The following TRRAP variants were observed in gnomAD, a reference collection of about 807,000 sequenced individuals.
The protein encoded by TRRAP is transformation/transcription domain associated protein.
TRRAP carries 41 observed loss-of-function variants against 438.8 expected under a neutral mutation model. The ratio of observed to expected loss-of-function variants is 0.09; its 90% CI spans 0.07 to 0.12. The LOEUF is 0.12. TRRAP is among the 10% of genes least tolerant of loss of function. The pLI is 1.00. For synonymous variants in TRRAP, 1,994 were observed against 1,962.9 expected (o/e 1.02, Z -0.42); for missense variants, 3,122 against 5,055.1 (o/e 0.62, Z 11.60).
chr7:98,903,115 A>G (rs1584288584), intron 11 of TRRAP, among the ~76,000 whole-genome samples: 1 of 151,916 alleles, frequency 6.6e-6, no homozygotes, highest in African/African-American at 2.4e-5. Flanking sequence ...TTCTCCTCCC[A>G]GGTTCAAGTG....
chr7:98,967,221 A>G (rs1253572528), intron 50 of TRRAP, 59 bp downstream of exon 50: 3 of 1,563,866 alleles, frequency 1.9e-6, no homozygotes, highest in Non-Finnish European at 2.6e-6. Context: ...CTCCCCGGCC[A>G]GCCAGCCATG....
Position 98,908,567 on chromosome 7 carries a change from T to C in TRRAP, c.1116-161T>C, listed in dbSNP as rs1350855166. 1.3e-5 allele frequency among the ~76,000 whole-genome samples: 2 copies of C among 151,948 alleles called. No homozygotes were observed. The highest frequency in any genetic ancestry group is 2.9e-5 in the Non-Finnish European group (2 of 68,008). On this transcript the variant is annotated intron_variant, in intron 13 of 72. Transcript: ENST00000456197. The surrounding 1 kb of genome is among the most constrained non-coding windows in gnomAD (Gnocchi z 4.1). The stretch of plus-strand genomic sequence containing the variant: ...TATCAGTACAAAACTTGAGCCCTCT[T>C]CTGTCATGTATCTGGGAGAGAGTAA...
chr7:98,981,860 G>A lies in TRRAP; in HGVS notation c.8726G>A (p.Ser2909Asn), dbSNP rs757170978. The A allele has an allele frequency of 3.7e-6, 6 of 1,608,384 alleles. No individual in the cohort carries two copies. In the Middle Eastern group the frequency reaches 5.0e-4, roughly 133 times the overall value. Residue 2909 changes from serine to asparagine, a missense_variant, in exon 59 of 73, where the codon AGC becomes AAC. This residue lies in a region of TRRAP where 992 missense variants were observed against 1,281.2 expected (regional missense o/e 0.77). Coordinates refer to ENST00000456197, the MANE Select transcript of TRRAP (RefSeq NM_001375524.1). ...TGCCACCCCGAGGAGCAGCAGCTCA[G>A]CTTCATCGAGCGCCTGGTGGAGATG... The part of the protein sequence containing the change: ...AICHPEEQQL[S>N]FIERLVEMAS...
chr7:98,993,506 G>T, intron 65 of TRRAP, 32 bp from the exon 66 acceptor site: 1 of 1,601,852 alleles, frequency 6.2e-7, no homozygotes, highest in Non-Finnish European at 8.5e-7. Context: ...TCGGTTTTGC[G>T]CTGACACTGG....
rs1049659260 is a variant in TRRAP at position 99,013,017 on chromosome 7, T to C, written c.*662T>C. On this transcript the variant is annotated 3_prime_UTR_variant, in exon 73 of 73. Transcript: ENST00000456197. ...AGAGTCTGCAGGCGGCTCCTGTGCTTTTTATTTCTGGCTCTTCGGATGTCT... is the reference window on the plus strand; with the variant it reads ...AGAGTCTGCAGGCGGCTCCTGTGCTCTTTATTTCTGGCTCTTCGGATGTCT... 2 of 152,230 alleles carry C rather than the reference T, an allele frequency of 1.3e-5. No individual in the cohort carries two copies. The highest frequency in any genetic ancestry group is 4.8e-5 in the African/African-American group (2 of 41,462). The allele number at this position is 152,230 out of a possible 1,614,324, so 9.4% of individuals were successfully genotyped here.
chr7:98,969,607 C>CACGG (rs1443874159), intron 51 of TRRAP, among the ~76,000 whole-genome samples: 15 of 152,206 alleles, frequency 9.9e-5, no homozygotes, highest in African/African-American at 3.6e-4. Flanking sequence ...GCAGCTTGTG[C>CACGG]ACGGCCTGTG....
At chr7:98,904,941 T>G (rs1554407278) in intron 12 of TRRAP, among the ~76,000 whole-genome samples, 2 of 152,162 alleles carry the variant, frequency 1.3e-5, no homozygotes, top group African/African-American at 4.8e-5. Context: ...CGTTATCAAG[T>G]GGTAACTCAT....
Position 98,948,527 on chromosome 7 carries a change from A to G in TRRAP, c.4669-39A>G. ...GTAGACAGCCTCAAGCTCTGAGAAG[A>G]GGAAGTTGTGAGATGCAGCATTCCC... On this transcript the variant is annotated intron_variant, in intron 34 of 72. Transcript: ENST00000456197. This position sits in a 1 kb window ranked among gnomAD's most constrained non-coding sequence, Gnocchi z 4.9. 6.2e-7 allele frequency: 1 copy of G among 1,614,094 alleles called. No homozygotes were observed. The highest frequency in any genetic ancestry group is 8.5e-7 in the Non-Finnish European group (1 of 1,180,032).
chr7:98,934,105 G>T (rs1164489932), intron 27 of TRRAP, among the ~76,000 whole-genome samples: 1 of 152,172 alleles, frequency 6.6e-6, no homozygotes, highest in African/African-American at 2.4e-5. Flanking sequence ...TCCAGTGTGG[G>T]GTGCTATTAG....
rs1409071364 is a variant in TRRAP, at chr7:98,948,875, T to C, written c.4788+190T>C. Among the ~76,000 whole-genome samples the C allele has an allele frequency of 2.6e-5, 4 of 152,182 alleles. No individual in the cohort carries two copies. Among genetic ancestry groups the C allele is most frequent in the Admixed American group, 6.5e-5 (1 of 15,280 alleles). ...ATGTGCAGGTCTAGGAACCACTCTT[T>C]ATAGGACTTTGGTGGTGGTAGCAAA... is the stretch of plus-strand genomic sequence containing the variant. On this transcript the variant is annotated intron_variant, in intron 35 of 72. Transcript: ENST00000456197. This position sits in a 1 kb window ranked among gnomAD's most constrained non-coding sequence, Gnocchi z 4.9.
At chr7:98,915,628 C>A in intron 18 of TRRAP, 95 bp from the exon 19 acceptor site, 3 of 1,451,720 alleles carry the variant, frequency 2.1e-6, no homozygotes, top group Non-Finnish European at 2.8e-6. Flanking sequence ...GAATTGCCTT[C>A]CATTGCTGTC....
At chr7:98,978,646 C>T (rs1792776652) in intron 57 of TRRAP, 123 bp from the exon 58 acceptor site, 11 of 1,365,488 alleles carry the variant, frequency 8.1e-6, no homozygotes, top group Admixed American at 1.8e-5. Flanking sequence ...CACAGAAGTC[C>T]ACTCTTACTG....
intron 20 of TRRAP, among the ~76,000 whole-genome samples, chr7:98,920,661 G>A (rs897823983): frequency 3.3e-5 from 5 of 152,116 alleles, no homozygotes; most frequent in Admixed American, 1.3e-4. Context: ...AGGTGCCTTC[G>A]TGATCTGTGT....
intron 33 of TRRAP, among the ~76,000 whole-genome samples, chr7:98,947,861 C>A (rs926641239): frequency 6.6e-6 from 1 of 152,146 alleles, no homozygotes; most frequent in Admixed American, 6.5e-5. Context: ...CTGCTCTGGC[C>A]CCAGGTGGAA....
chr7:98,929,436 T>C (rs1291232598), intron 23 of TRRAP, among the ~76,000 whole-genome samples: 8 of 152,118 alleles, frequency 5.3e-5, no homozygotes, highest in Non-Finnish European at 8.8e-5. Flanking sequence ...CTAATATATT[T>C]TTGAGTTATG....
chr7:98,988,509 A>G (rs1273462633), intron 62 of TRRAP, among the ~76,000 whole-genome samples: 5 of 152,242 alleles, frequency 3.3e-5, no homozygotes, highest in Non-Finnish European at 7.3e-5. Context: ...GCCAGATTCA[A>G]AAGATCACAT....
intron 62 of TRRAP, among the ~76,000 whole-genome samples, chr7:98,986,782 A>T (rs1002350581): frequency 1.3e-5 from 2 of 152,182 alleles, no homozygotes; most frequent in Admixed American, 1.3e-4. Flanking sequence ...CTAATCCAGG[A>T]TCAGAAGCAT....
rs781899401 is a variant in TRRAP, at chr7:98,903,446, C to G, written c.965C>G (p.Ala322Gly). The G allele has an allele frequency of 1.9e-6, 3 of 1,614,186 alleles. No individual in the cohort carries two copies. Among genetic ancestry groups the G allele is most frequent in the Non-Finnish European group, 2.5e-6 (3 of 1,180,046 alleles). ...CTCCAGTTACTTTCAAATTGTCCAG[C>G]AGAGACTGCACACCTCAGAAAGGAG... ...GMLQLLSNCPAETAHLRKELL... is the reference protein window; with the variant it reads ...GMLQLLSNCPGETAHLRKELL... The change falls in exon 12 of 73, where the codon GCA (alanine) becomes GGA (glycine). Residue 322 changes from alanine to glycine, a missense_variant. Physicochemically the swap from Ala to Gly is moderately conservative, Grantham distance 60 (BLOSUM62 0). This residue lies in a region of TRRAP where 343 missense variants were observed against 564.0 expected (regional missense o/e 0.61). Transcript: ENST00000456197.
At chr7:98,951,566 C>CTG (rs1321971735) in intron 39 of TRRAP, among the ~76,000 whole-genome samples, 1 of 152,214 alleles carries the variant, frequency 6.6e-6, no homozygotes, top group East Asian at 1.9e-4. Flanking sequence ...CCAAGGTTTA[C>CTG]TGTATTGATC....
Sources: gnomAD v4.1 joint callset for allele counts (sites outside exome capture counted in the v4.1 genomes callset) on GRCh38, gnomAD v4.1.1 for gene constraint, gnomAD v4.1.1 regional missense constraint, Gnocchi (gnomAD v3.1) non-coding constraint, MANE v1.5 for transcripts, NCBI Gene and HGNC (gene_info 2026-07-23, HGNC 2026-07-21) for gene names.